PTPRC: variants seen among roughly 807,000 people sequenced by gnomAD.
PTPRC encodes the protein protein tyrosine phosphatase receptor type C.
Under a neutral mutation model 155.9 loss-of-function variants are expected in PTPRC, and 44 were observed. The ratio of observed to expected loss-of-function variants is 0.28; its 90% CI spans 0.22 to 0.36. The LOEUF is 0.36. Among genes scored for constraint, PTPRC ranks in the 10% least tolerant of loss-of-function variants. PTPRC has a pLI of 1.00. For synonymous variants in PTPRC, 525 were observed against 533.1 expected (o/e 0.98, Z 0.21); for missense variants, 1,401 against 1,564.6 (o/e 0.90, Z 1.76).
intron 13 of PTPRC, among the ~76,000 whole-genome samples, chr1:198,717,141 G>C (rs1186937905): frequency 6.6e-6 from 1 of 152,184 alleles, no homozygotes; most frequent in Non-Finnish European, 1.5e-5. Context: ...AACATTCACT[G>C]TTTGCTGTTG....
chr1:198,689,895 G>A (rs748401416), intron 2 of PTPRC, among the ~76,000 whole-genome samples: 1 of 152,086 alleles, frequency 6.6e-6, no homozygotes, highest in Non-Finnish European at 1.5e-5. Context: ...CAGATGACTA[G>A]ATATATGTGT....
intron 2 of PTPRC, among the ~76,000 whole-genome samples, chr1:198,662,951 T>C (rs577832608): frequency 1.3e-5 from 2 of 152,248 alleles, no homozygotes; most frequent in African/African-American, 4.8e-5. Flanking sequence ...CATGTGACCA[T>C]TGTACACATG....
At chr1:198,728,721 C>G (rs72738069) in intron 16 of PTPRC, among the ~76,000 whole-genome samples, 1,958 of 152,056 alleles carry the variant, frequency 0.013, 24 homozygotes, top group Non-Finnish European at 0.016. Context: ...GTTTTTAGTA[C>G]AAAGTGGGTC....
At chr1:198,669,522 T>C (rs1664524074) in intron 2 of PTPRC, among the ~76,000 whole-genome samples, 1 of 152,196 alleles carries the variant, frequency 6.6e-6, no homozygotes, top group South Asian at 2.1e-4. Flanking sequence ...CTTCACTTTT[T>C]AAAGTTTTCA....
intron 10 of PTPRC, 151 bp downstream of exon 10, chr1:198,708,412 G>A: frequency 1.4e-6 from 1 of 721,418 alleles, no homozygotes; most frequent in Non-Finnish European, 2.2e-6. Flanking sequence ...CTTTTTCTTG[G>A]TCTGTGGTAT....
chr1:198,748,389 A>G (rs922507236), intron 27 of PTPRC, among the ~76,000 whole-genome samples, 190 bp downstream of exon 27: 1 of 151,842 alleles, frequency 6.6e-6, no homozygotes, highest in Non-Finnish European at 1.5e-5. Flanking sequence ...AACATTTACA[A>G]TGGGCTTTGG....
At chr1:198,748,259 T>G in intron 27 of PTPRC, 60 bp downstream of exon 27, 2 of 1,541,108 alleles carry the variant, frequency 1.3e-6, no homozygotes, top group Non-Finnish European at 1.8e-6. Flanking sequence ...TTGGATTTGT[T>G]TAATGTGGGA....
intron 2 of PTPRC, among the ~76,000 whole-genome samples, chr1:198,642,716 C>G (rs1662665302): frequency 6.6e-6 from 1 of 151,768 alleles, no homozygotes; most frequent in Non-Finnish European, 1.5e-5. Context: ...TTTAATCAGT[C>G]TGAAGTCTCA....
Position 198,716,681 on chromosome 1 carries a change from G to GA in PTPRC, c.1296dup (p.Asp433ArgfsTer7). On this transcript the variant is annotated frameshift_variant and splice_region_variant. Coordinates refer to ENST00000442510, the MANE Select transcript of PTPRC (RefSeq NM_002838.5). LOFTEE classifies it high-confidence loss of function. ...TAATTTTTTTTCACATTTTTCCTCA[G>GA]AAAAAGATTGCCTCAATCTGGATAA... 6.2e-7 allele frequency: 1 copy of GA among 1,611,202 alleles called. No individual in the cohort carries two copies. The highest frequency in any genetic ancestry group is 8.5e-7 in the Non-Finnish European group (1 of 1,179,362).
chr1:198,722,538 A>G (rs1571870495), intron 15 of PTPRC, 62 bp downstream of exon 15: 1 of 962,390 alleles, frequency 1.0e-6, no homozygotes, highest in Non-Finnish European at 1.4e-6. Flanking sequence ...TTATAAAGCT[A>G]TATTATTTTA....
intron 5 of PTPRC, among the ~76,000 whole-genome samples, chr1:198,700,903 T>G: frequency 1.3e-5 from 2 of 148,450 alleles, no homozygotes; most frequent in African/African-American, 2.5e-5. Context: ...TTTCGGGAGG[T>G]TGAGAGTGGA....
At chr1:198,751,769 T>C (rs749181647) in intron 29 of PTPRC, among the ~76,000 whole-genome samples, 4 of 152,048 alleles carry the variant, frequency 2.6e-5, no homozygotes, top group African/African-American at 4.8e-5. Context: ...AGACAAAATA[T>C]ATAAAGCTGC....
chr1:198,690,778 G>A lies in PTPRC; in HGVS notation c.74-1569G>A, dbSNP rs534408904. Among the ~76,000 whole-genome samples the A allele has an allele frequency of 2.6e-5, 4 of 152,134 alleles. No individual in the cohort carries two copies. In the East Asian group the frequency reaches 7.7e-4, roughly 29 times the overall value. ...TCTCTGATTCTCTTTAACAACCTGA[G>A]TTTACAGTCATTTGGAAAAGAACTT... is the stretch of plus-strand genomic sequence containing the variant. On this transcript the variant is annotated intron_variant, in intron 2 of 32. Transcript: ENST00000442510.
chr1:198,695,275 C>T (rs1382418401), intron 3 of PTPRC: 1 of 787,218 alleles, frequency 1.3e-6, no homozygotes, highest in Non-Finnish European at 1.5e-6. Flanking sequence ...TCATTCTCTC[C>T]CTTTTTCCAT....
chr1:198,735,104 C>T, intron 22 of PTPRC, 23 bp from the exon 23 acceptor site: 1 of 1,547,728 alleles, frequency 6.5e-7, no homozygotes, highest in Non-Finnish European at 8.8e-7. Flanking sequence ...AATTAAAATA[C>T]TTAATAATTT....
In PTPRC at chr1:198,756,674, C is replaced by CTCA. The variant is rs1655687631; in HGVS notation, c.*495_*497dup. On this transcript the variant is annotated 3_prime_UTR_variant, in exon 33 of 33. Transcript: ENST00000442510. ...ACCTCAAGATGTCCTCCTTGTTCTA[C>CTCA]TCATATATATCTATCTTATATAGTT... is the stretch of plus-strand genomic sequence containing the variant. 6.1e-6 allele frequency: 1 copy of CTCA among 163,792 alleles called. No homozygotes were observed. The highest frequency in any genetic ancestry group is 5.9e-5 in the Admixed American group (1 of 16,884). The allele number at this position is 163,792 out of a possible 1,614,324, so 10.1% of individuals were successfully genotyped here. A position where few individuals can be genotyped will look rare whatever the true frequency, so the allele number is the denominator to read the frequency against.
At chr1:198,692,453 T>A (rs1665982062) in intron 3 of PTPRC, 80 bp downstream of exon 3, 2 of 1,180,936 alleles carry the variant, frequency 1.7e-6, no homozygotes, top group Non-Finnish European at 2.2e-6. Context: ...TTTTCTATTA[T>A]TAACACTGAA....
In PTPRC at chr1:198,699,643, A is replaced by G; in HGVS notation, c.378A>G (p.Thr126=). Residue 126 remains threonine, a synonymous_variant, in exon 5 of 33, where the codon ACA becomes ACG. Coordinates refer to ENST00000442510, the MANE Select transcript of PTPRC (RefSeq NM_002838.5). ...CCTCTGCTGGAACTGACACGCAGAC[A>G]TTCAGCGGCTCCGCCGCCAATGCAA... is the stretch of plus-strand genomic sequence containing the variant. ...QTPSAGTDTQ[T]FSGSAANAKL... is the part of the protein sequence containing the mutation. 1 of 1,614,214 alleles carries G rather than the reference A, an allele frequency of 6.2e-7. No individual in the cohort carries two copies. The highest frequency in any genetic ancestry group is 8.5e-7 in the Non-Finnish European group (1 of 1,180,036).
intron 12 of PTPRC, among the ~76,000 whole-genome samples, chr1:198,714,814 A>C (rs1653493616): frequency 6.6e-6 from 1 of 152,328 alleles, no homozygotes; most frequent in South Asian, 2.1e-4. Flanking sequence ...AAAGTCTATG[A>C]AATTTGCAGT....
Sources: allele counts gnomAD v4.1 joint callset (sites outside exome capture counted in the v4.1 genomes callset), GRCh38; gene constraint gnomAD v4.1.1; transcripts MANE v1.5; gene names NCBI Gene and HGNC (gene_info 2026-07-23, HGNC 2026-07-21).